The following NKIRAS1 variants were observed in gnomAD, a reference collection of about 807,000 sequenced individuals.
The protein encoded by NKIRAS1 is NF-kappa-B inhibitor-interacting Ras-like protein 1.
Under a neutral mutation model 19.8 loss-of-function variants are expected in NKIRAS1, and 16 were observed. The observed-to-expected ratio is 0.81, with a 90% confidence interval of 0.55 to 1.23. The LOEUF is 1.23. Among genes scored for constraint, NKIRAS1 ranks in the 50% most tolerant of loss-of-function variants. The pLI, the probability that NKIRAS1 is intolerant of heterozygous loss-of-function variation, is 0.00. For missense variants in NKIRAS1, 184 were observed against 220.0 expected, an observed-to-expected ratio of 0.84 and a Z score of 1.04; for synonymous variants, 88 against 79.0, an observed-to-expected ratio of 1.11 and a Z score of -0.61.
At chr3:23,920,848 TGGACC>T (rs1381714193), upstream of NKIRAS1, 1 of 878,796 alleles carries the variant, frequency 1.1e-6, no homozygotes, top group Admixed American at 6.2e-5. Context: ...CTAAAACAAA[TGGACC>T]TTCTGTTATT....
chr3:23,919,925 G>C (rs1022071974), upstream of NKIRAS1: 24 of 989,736 alleles, frequency 2.4e-5, no homozygotes, highest in Non-Finnish European at 2.5e-5. Context: ...GACTTTTTAA[G>C]TTGGGCTTTA....
rs952319136 is a variant in NKIRAS1 at position 23,927,127 on chromosome 3, A to G, written c.-139-15677T>C. On this transcript the variant is annotated intron_variant, in intron 1 of 4. Transcript: ENST00000421515. This position sits in a 1 kb window ranked among gnomAD's most constrained non-coding sequence, Gnocchi z 4.0. ...TAATGATGCAGTGAACATCATCACT[A>G]TACATATAGTTTTCAACCTATTTTT... is the stretch of plus-strand genomic sequence containing the variant. 6.6e-6 allele frequency among the ~76,000 whole-genome samples: 1 copy of G among 152,218 alleles called. No individual in the cohort carries two copies. Among genetic ancestry groups the G allele is most frequent in the African/African-American group, 2.4e-5 (1 of 41,456 alleles).
At chr3:23,945,794 G>A (rs1705661139) in intron 1 of NKIRAS1, among the ~76,000 whole-genome samples, 1 of 150,446 alleles carries the variant, frequency 6.6e-6, no homozygotes, top group Non-Finnish European at 1.5e-5. Flanking sequence ...TCCCTGCAAA[G>A]CCGCAGCGCG....
At chr3:23,919,529 T>G (rs4024626), upstream of NKIRAS1, 1 of 1,518,622 alleles carries the variant, frequency 6.6e-7, no homozygotes. Flanking sequence ...AAATTCATAC[T>G]TAATAAACAA....
chr3:23,921,755 A>G, upstream of NKIRAS1: 2 of 605,654 alleles, frequency 3.3e-6, no homozygotes, highest in Non-Finnish European at 5.8e-6. Context: ...TTGTATTTTT[A>G]GTAGAGACTG....
intron 1 of NKIRAS1, among the ~76,000 whole-genome samples, chr3:23,937,922 T>G (rs887731600): frequency 2.6e-5 from 4 of 152,100 alleles, no homozygotes; most frequent in African/African-American, 7.2e-5. Context: ...TAGATTCTTC[T>G]CCAAATGAAC....
chr3:23,919,003 A>G (rs1030614505), upstream of NKIRAS1: 1 of 602,432 alleles, frequency 1.7e-6, no homozygotes, highest in Admixed American at 3.0e-5. Context: ...GTTTCAGTCT[A>G]TGTGTGTTGT....
intron 1 of NKIRAS1, among the ~76,000 whole-genome samples, chr3:23,925,172 T>G (rs1343128237): frequency 2.0e-5 from 3 of 152,222 alleles, no homozygotes; most frequent in Non-Finnish European, 4.4e-5. Flanking sequence ...GTCTACCACA[T>G]ACACTAATCC....
Position 23,936,542 on chromosome 3 carries a change from G to C in NKIRAS1, c.-140+9781C>G, listed in dbSNP as rs1575133842. ...AATCTGAGGTAGAGCCCGAAAAACT[G>C]CTTTTTCTTTTTTTTTTCTTTTGAG... On this transcript the variant is annotated intron_variant, in intron 1 of 4. Transcript: ENST00000421515. Among the ~76,000 whole-genome samples the C allele has an allele frequency of 4.6e-5, 7 of 151,942 alleles. No individual in the cohort carries two copies. In the South Asian group the frequency reaches 1.3e-3, roughly 27 times the overall value.
chr3:23,892,194 G>A lies in NKIRAS1; in HGVS notation c.*901C>T, dbSNP rs1028669765. ...ACTTCCTACCTTTTAAATTAATAAA[G>A]TTACAGTCAGCCACATTGCTTGAGT... On this transcript the variant is annotated 3_prime_UTR_variant, in exon 5 of 5. Transcript: ENST00000425478. 1.3e-5 allele frequency: 2 copies of A among 152,150 alleles called. No homozygotes were observed. Among genetic ancestry groups the A allele is most frequent in the African/African-American group, 2.4e-5 (1 of 41,424 alleles). 9.4% of individuals were successfully genotyped at this position (152,150 alleles called of 1,614,324 possible).
chr3:23,940,353 A>T (rs2125271242), intron 1 of NKIRAS1, among the ~76,000 whole-genome samples: 1 of 151,822 alleles, frequency 6.6e-6, no homozygotes, highest in Non-Finnish European at 1.5e-5. Flanking sequence ...TTCTAAAAAA[A>T]AATTAAAAAA....
At chr3:23,944,835 C>CG (rs1315070785) in intron 1 of NKIRAS1, among the ~76,000 whole-genome samples, 3 of 1,258 alleles carry the variant, frequency 2.4e-3, no homozygotes, top group Admixed American at 0.011. Flanking sequence ...CGGGTGGGAG[C>CG]GGGGGGTGGG....
At chr3:23,944,002 A>G (rs1338250609) in intron 1 of NKIRAS1, among the ~76,000 whole-genome samples, 1 of 152,252 alleles carries the variant, frequency 6.6e-6, no homozygotes, top group African/African-American at 2.4e-5. Flanking sequence ...TGACTGTAGG[A>G]GGACCCAAGA....
chr3:23,921,319 CTCATGATAGCTT>C (rs1705068953), upstream of NKIRAS1, among the ~76,000 whole-genome samples: 1 of 152,174 alleles, frequency 6.6e-6, no homozygotes, highest in Non-Finnish European at 1.5e-5. Context: ...ATCAAAAGTC[CTCATGATAGCTT>C]TCATGATCTT....
chr3:23,913,997 T>C (rs146414218), intron 1 of NKIRAS1, among the ~76,000 whole-genome samples: 1 of 152,166 alleles, frequency 6.6e-6, no homozygotes, highest in Admixed American at 6.5e-5. Context: ...CCTAAGAAAC[T>C]GGGCAATAAA....
upstream of NKIRAS1, chr3:23,920,563 G>C (rs1705022614): frequency 1.0e-6 from 1 of 985,154 alleles, no homozygotes; most frequent in Non-Finnish European, 1.2e-6. Flanking sequence ...TGTTGTCCAG[G>C]GTCAATTTGA....
intron 2 of NKIRAS1, 67 bp from the exon 3 acceptor site, chr3:23,910,988 G>T (rs781762033): frequency 1.0e-4 from 127 of 1,230,118 alleles, no homozygotes; most frequent in Non-Finnish European, 1.5e-4. Flanking sequence ...TTTTCTTTCA[G>T]TATTTCAATT....
rs1258410718 is a variant in NKIRAS1 at position 23,916,062 on chromosome 3, G to C, written c.-140+722C>G. 5 of 152,132 alleles carry C rather than the reference G, an allele frequency of 3.3e-5. No individual in the cohort carries two copies. The East Asian group carries it at 9.7e-4, about 29-fold the overall frequency. The allele number at this position is 152,132 out of a possible 1,614,324, so 9.4% of individuals were successfully genotyped here. A position where few individuals can be genotyped will look rare whatever the true frequency, so the allele number is the denominator to read the frequency against. ...ATTAGACACTTAATAAATATTTGTTGAATCAATCAATGAACCAGATAGAGA... is the reference window on the plus strand; with the variant it reads ...ATTAGACACTTAATAAATATTTGTTCAATCAATCAATGAACCAGATAGAGA... On this transcript the variant is annotated intron_variant, in intron 1 of 4. Transcript: ENST00000425478.
chr3:23,943,677 T>C (rs2125273178), intron 1 of NKIRAS1, among the ~76,000 whole-genome samples: 1 of 152,312 alleles, frequency 6.6e-6, no homozygotes, highest in South Asian at 2.1e-4. Context: ...AGATGGTAGT[T>C]GATACATGAA....
Sources: allele counts gnomAD v4.1 joint callset (sites outside exome capture counted in the v4.1 genomes callset), GRCh38; gene constraint gnomAD v4.1.1; non-coding constraint Gnocchi (gnomAD v3.1); transcripts MANE v1.5; gene names NCBI Gene and HGNC (gene_info 2026-07-23, HGNC 2026-07-21).